Variants in ZNF385D observed in about 807,000 individuals in gnomAD.
The protein encoded by ZNF385D is zinc finger protein 659.
A neutral mutation model predicts 35.8 loss-of-function variants in ZNF385D; 15 were observed. That is an observed-to-expected ratio of 0.42 (90% CI 0.28 to 0.64). The LOEUF (loss-of-function observed/expected upper bound fraction) is 0.64, where lower values mean the gene tolerates loss of function less well. Among genes scored for constraint, ZNF385D ranks in the 30% least tolerant of loss-of-function variants. ZNF385D has a pLI of 0.23. For missense variants in ZNF385D, 474 were observed against 494.6 expected (o/e 0.96, Z 0.39); for synonymous variants, 212 against 186.8 (o/e 1.13, Z -1.10).
chr3:22,094,527 T>G (rs1426090370), intron 3 of ZNF385D, among the ~76,000 whole-genome samples: 2 of 151,058 alleles, frequency 1.3e-5, no homozygotes, highest in African/African-American at 4.9e-5. Flanking sequence ...GCAATCAGAG[T>G]AAGACATAGG....
At chr3:21,848,344 T>C (rs555138627) in intron 3 of ZNF385D, among the ~76,000 whole-genome samples, 4 of 152,126 alleles carry the variant, frequency 2.6e-5, no homozygotes, top group African/African-American at 9.6e-5. Context: ...GTGATTTCAA[T>C]TACTTCGGAT....
At chr3:21,704,715 A>C (rs1025522394) in intron 1 of ZNF385D, among the ~76,000 whole-genome samples, 1 of 152,102 alleles carries the variant, frequency 6.6e-6, no homozygotes, top group African/African-American at 2.4e-5. Flanking sequence ...CTCATACTAA[A>C]GTAAAAGCTG....
chr3:21,963,796 G>A (rs897854243), intron 3 of ZNF385D, among the ~76,000 whole-genome samples: 1 of 152,036 alleles, frequency 6.6e-6, no homozygotes, highest in African/African-American at 2.4e-5. Flanking sequence ...CAGAATTCTA[G>A]AGATATAAAT....
chr3:21,623,903 G>C (rs540874602), intron 2 of ZNF385D, among the ~76,000 whole-genome samples: 1 of 152,136 alleles, frequency 6.6e-6, no homozygotes, highest in Non-Finnish European at 1.5e-5. Flanking sequence ...AATTAGTACA[G>C]GATTATGCAT....
chr3:21,958,653 G>A (rs1011921290), intron 3 of ZNF385D, among the ~76,000 whole-genome samples: 8 of 152,020 alleles, frequency 5.3e-5, no homozygotes, highest in Admixed American at 3.3e-4. Context: ...AGATTCTATC[G>A]CCAAATTCTA....
At chr3:21,636,364 T>TTATATATATATGATTATA (rs1559478653) in intron 2 of ZNF385D, among the ~76,000 whole-genome samples, 6 of 113,896 alleles carry the variant, frequency 5.3e-5, no homozygotes, top group East Asian at 2.6e-4. Flanking sequence ...TTATATATGA[T>TTATATATATATGATTATA]TATATATATA....
At chr3:22,354,265 T>G (rs908287246) in intron 2 of ZNF385D, among the ~76,000 whole-genome samples, 1 of 152,132 alleles carries the variant, frequency 6.6e-6, no homozygotes, top group African/African-American at 2.4e-5. Flanking sequence ...CTTCAGTTTT[T>G]TTCATTTACA....
intron 2 of ZNF385D, among the ~76,000 whole-genome samples, chr3:21,634,158 C>T (rs2065358041): frequency 1.3e-5 from 2 of 151,668 alleles, no homozygotes. Context: ...GAGCATGCCA[C>T]TGCACTCCAA....
Position 21,645,369 on chromosome 3 carries a change from GCAGTTAAGACCTC to G in ZNF385D, c.165+19504_165+19516del, listed in dbSNP as rs1290050886. 3.3e-5 allele frequency among the ~76,000 whole-genome samples: 5 copies of G among 152,252 alleles called. No homozygotes were observed. In the East Asian group the frequency reaches 9.7e-4, roughly 29 times the overall value. On this transcript the variant is annotated intron_variant, in intron 2 of 7. Coordinates refer to ENST00000281523, the MANE Select transcript of ZNF385D (RefSeq NM_024697.3). ...GGGAAGATGCCTGGGAAGTCAGAAG[GCAGTTAAGACCTC>G]CACAACCTACACATTTGCAGACACT...
intron 2 of ZNF385D, among the ~76,000 whole-genome samples, chr3:22,175,959 A>G (rs941258334): frequency 1.3e-5 from 2 of 150,322 alleles, no homozygotes; most frequent in African/African-American, 4.9e-5. Context: ...AGCATTTGAG[A>G]AAATTATAGT....
At chr3:21,656,938 T>C (rs1160456059) in intron 2 of ZNF385D, among the ~76,000 whole-genome samples, 2 of 151,924 alleles carry the variant, frequency 1.3e-5, no homozygotes, top group African/African-American at 4.8e-5. Context: ...TTGGGTCCTC[T>C]TATTTACTCA....
chr3:22,037,751 G>A (rs1270369797), intron 3 of ZNF385D, among the ~76,000 whole-genome samples: 2 of 152,080 alleles, frequency 1.3e-5, no homozygotes, highest in Non-Finnish European at 2.9e-5. Flanking sequence ...TGTTGTCATT[G>A]CTTTTGGTGT....
intron 2 of ZNF385D, among the ~76,000 whole-genome samples, chr3:21,607,543 C>T (rs2064519929): frequency 2.0e-5 from 3 of 152,190 alleles, no homozygotes; most frequent in African/African-American, 4.8e-5. Flanking sequence ...ACAATGTCCT[C>T]TGCCAATCAT....
chr3:22,123,944 CTCTCTCTCTCTCTCTCTCTA>C (rs1465784698), intron 3 of ZNF385D, among the ~76,000 whole-genome samples: 2 of 100,160 alleles, frequency 2.0e-5, no homozygotes, highest in African/African-American at 7.4e-5. Flanking sequence ...CTCTCTCTCT[CTCTCTCTCTCTCTCTCTCTA>C]TATATATATA....
At chr3:21,888,023 A>T (rs17009958) in intron 3 of ZNF385D, among the ~76,000 whole-genome samples, 1 of 152,146 alleles carries the variant, frequency 6.6e-6, no homozygotes, top group South Asian at 2.1e-4. Context: ...AAGTGATTAA[A>T]TGATTAAGAA....
intron 2 of ZNF385D, among the ~76,000 whole-genome samples, chr3:22,190,761 T>C (rs1695964555): frequency 6.6e-6 from 1 of 152,194 alleles, no homozygotes; most frequent in Non-Finnish European, 1.5e-5. Flanking sequence ...AATACTAAGT[T>C]CTGTAACAAA....
intron 1 of ZNF385D, among the ~76,000 whole-genome samples, chr3:21,681,914 T>G (rs982426058): frequency 1.3e-5 from 2 of 151,988 alleles, no homozygotes; most frequent in African/African-American, 4.8e-5. Flanking sequence ...AAAATGAAAG[T>G]TGGATACCTG....
intron 2 of ZNF385D, among the ~76,000 whole-genome samples, chr3:21,598,642 A>T (rs561254191): frequency 6.6e-5 from 10 of 152,210 alleles, no homozygotes; most frequent in Non-Finnish European, 1.3e-4. Context: ...AAAATGACTC[A>T]AGATTTCAAG....
intron 4 of ZNF385D, among the ~76,000 whole-genome samples, chr3:21,493,412 A>G (rs901617573): frequency 3.3e-5 from 5 of 152,142 alleles, no homozygotes; most frequent in Non-Finnish European, 5.9e-5. Flanking sequence ...ATTTTAGATG[A>G]TGCCATATTG....
Sources: allele counts gnomAD v4.1 joint callset (sites outside exome capture counted in the v4.1 genomes callset), GRCh38; gene constraint gnomAD v4.1.1; transcripts MANE v1.5; gene names NCBI Gene and HGNC (gene_info 2026-07-23, HGNC 2026-07-21).